MKRN1: variants seen among roughly 807,000 people sequenced by gnomAD.
MKRN1 encodes E3 ubiquitin-protein ligase makorin-1.
A neutral mutation model predicts 55.5 loss-of-function variants in MKRN1; 9 were observed. That is an observed-to-expected ratio of 0.16 (90% CI 0.10 to 0.28). MKRN1 has a LOEUF of 0.28. Among genes scored for constraint, MKRN1 ranks in the 10% least tolerant of loss-of-function variants. The pLI is 1.00. For missense variants in MKRN1, 488 were observed against 626.7 expected (o/e 0.78, Z 2.36); for synonymous variants, 253 against 235.9 (o/e 1.07, Z -0.66).
In MKRN1 at chr7:140,476,046, C is replaced by T. The variant is rs117298880; in HGVS notation, c.185+3114G>A. On this transcript the variant is annotated intron_variant, in intron 1 of 7. Transcript: ENST00000255977. ...ACCAGTAGGAAAATACAGGTGATTC[C>T]GAGCAATTAAAAACATTCTAATCAA... Among the ~76,000 whole-genome samples the T allele has an allele frequency of 4.7e-4, 72 of 152,110 alleles. No individual in the cohort carries two copies. The East Asian group carries it at 0.012, about 25-fold the overall frequency.
chr7:140,463,489 T>C (rs1354579154), intron 2 of MKRN1, among the ~76,000 whole-genome samples: 1 of 152,218 alleles, frequency 6.6e-6, no homozygotes, highest in East Asian at 1.9e-4. Flanking sequence ...TACATGGAGC[T>C]AGAAGCTACC....
In MKRN1 at chr7:140,472,016, GA is replaced by G; in HGVS notation, c.186-6del. On this transcript the variant is annotated splice_region_variant and splice_polypyrimidine_tract_variant and intron_variant, in intron 1 of 7. Transcript: ENST00000255977. The stretch of plus-strand genomic sequence containing the variant: ...CAAACCCCATGCATAAAATACCTGT[GA>G]GACGAAAGACCACAAAACTGGATTA... 1 of 1,613,790 alleles carries G rather than the reference GA, an allele frequency of 6.2e-7. No individual in the cohort carries two copies.
Position 140,459,715 on chromosome 7 carries a change from C to T in MKRN1, c.536G>A (p.Cys179Tyr). ...AIEFVPGQPY[C>Y]GRTAPSCTEA... ...TTCTTCAGAATACTTACTACGGCCA[C>T]AGTAGGGTTGCCCAGGAACAAACTC... The change falls in exon 3 of 8, where the codon TGT becomes TAT. Residue 179 changes from cysteine (C) to tyrosine (Y), a missense_variant. By Grantham distance (194) the Cys-to-Tyr change is radical (BLOSUM62 -2). This residue lies in a region of MKRN1 where 278 missense variants were observed against 406.7 expected (regional missense o/e 0.68). Transcript: ENST00000255977. 1 of 1,613,846 alleles carries T rather than the reference C, an allele frequency of 6.2e-7. No individual in the cohort carries two copies. Among genetic ancestry groups the T allele is most frequent in the Non-Finnish European group, 8.5e-7 (1 of 1,179,758 alleles).
chr7:140,473,753 G>A lies in MKRN1; in HGVS notation c.186-1742C>T, dbSNP rs1344707372. 5 of 152,352 alleles carry A rather than the reference G, an allele frequency of 3.3e-5. No individual in the cohort carries two copies. In the East Asian group the frequency reaches 9.6e-4, roughly 29 times the overall value. 9.4% of individuals were successfully genotyped at this position (152,352 alleles called of 1,614,324 possible). A position where few individuals can be genotyped will look rare whatever the true frequency, so the allele number is the denominator to read the frequency against. On this transcript the variant is annotated intron_variant, in intron 1 of 7. Coordinates refer to ENST00000255977, the MANE Select transcript of MKRN1 (RefSeq NM_013446.4). ...CATGCCTGTAATCCCAGCACTTTGG[G>A]AGGCCAAGGCGGGTGGATTACCTGA...
chr7:140,476,969 G>A (rs1345647843), intron 1 of MKRN1, among the ~76,000 whole-genome samples: 1 of 151,832 alleles, frequency 6.6e-6, no homozygotes, highest in African/African-American at 2.4e-5. Flanking sequence ...TGTAATCCCA[G>A]CTACTAAGGC....
intron 1 of MKRN1, chr7:140,473,703 A>C (rs1278980568): frequency 6.6e-6 from 1 of 152,440 alleles, no homozygotes; most frequent in Non-Finnish European, 1.5e-5. Flanking sequence ...TGTTAGAAAA[A>C]GGTAGAAAGC....
At chr7:140,470,572 C>T (rs547239052) in intron 2 of MKRN1, among the ~76,000 whole-genome samples, 3 of 146,204 alleles carry the variant, frequency 2.1e-5, no homozygotes, top group South Asian at 4.4e-4. Flanking sequence ...GCGACAAGAG[C>T]AAGACTCCAT....
At chr7:140,455,041 G>A (rs1032630738) in intron 7 of MKRN1, 54 bp downstream of exon 7, 137 of 1,603,348 alleles carry the variant, frequency 8.5e-5, no homozygotes, top group Non-Finnish European at 1.0e-4. Context: ...ATATGTGCAG[G>A]ACTCAACTGA....
At chr7:140,456,340 A>G in intron 5 of MKRN1, 1 of 1,234,334 alleles carries the variant, frequency 8.1e-7, no homozygotes, top group Non-Finnish European at 1.0e-6. Flanking sequence ...AACGTCAGGA[A>G]ACATACATTC....
chr7:140,462,423 A>G (rs1944097101), intron 2 of MKRN1, among the ~76,000 whole-genome samples: 1 of 152,224 alleles, frequency 6.6e-6, no homozygotes, highest in Non-Finnish European at 1.5e-5. Flanking sequence ...ATAATGAAAC[A>G]TTACTAACTT....
At chr7:140,460,598 G>A (rs557704067) in intron 2 of MKRN1, among the ~76,000 whole-genome samples, 11 of 152,110 alleles carry the variant, frequency 7.2e-5, no homozygotes, top group African/African-American at 2.6e-4. Context: ...ACCACGTACG[G>A]CCATATATTC....
At position 140,459,815 on chromosome 7, in the gene MKRN1, T is replaced by C; in HGVS notation, c.436A>G (p.Thr146Ala). 1.2e-6 allele frequency: 2 copies of C among 1,614,000 alleles called. No homozygotes were observed. The highest frequency in any genetic ancestry group is 2.2e-5 in the East Asian group (1 of 44,894). The change falls in exon 3 of 8, where the codon ACA becomes GCA. Residue 146 changes from threonine (T) to alanine (A), a missense_variant. Physicochemically the swap from Thr to Ala is moderately conservative, Grantham distance 58 (BLOSUM62 0). Transcript: ENST00000255977. ...SIVGPLVEMN[T>A]GEAESRNSNF... ...GAATTTCTTGACTCAGCTTCGCCTG[T>C]ATTCATTTCAACAAGTGGTCCAACT...
intron 2 of MKRN1, among the ~76,000 whole-genome samples, chr7:140,470,038 C>T (rs1423702078): frequency 8.8e-6 from 1 of 113,296 alleles, no homozygotes; most frequent in African/African-American, 3.3e-5. Context: ...CAGAGCTAGG[C>T]TCTGTCTCAA....
At chr7:140,456,172 T>C in intron 5 of MKRN1, 2 of 1,205,882 alleles carry the variant, frequency 1.7e-6, no homozygotes, top group Non-Finnish European at 2.1e-6. Flanking sequence ...AAGAAGACAT[T>C]TCACACAGAC....
chr7:140,456,720 G>A lies in MKRN1; in HGVS notation c.918C>T (p.Asn306=). The A allele has an allele frequency of 6.2e-7, 1 of 1,614,098 alleles. No homozygotes were observed. The highest frequency in any genetic ancestry group is 8.5e-7 in the Non-Finnish European group (1 of 1,180,006). The change falls in exon 5 of 8, where the codon AAC becomes AAT. Residue 306 remains asparagine, a synonymous_variant. Coordinates refer to ENST00000255977, the MANE Select transcript of MKRN1 (RefSeq NM_013446.4). ...ERRFGILSNC[N]HTYCLKCIRK... ...GAATGCACTTGAGACAGTAGGTGTG[G>A]TTGCAGTTGGAGAGGATCCCGAAGC... is the stretch of plus-strand genomic sequence containing the variant.
At chr7:140,463,181 A>T (rs1794672034) in intron 2 of MKRN1, among the ~76,000 whole-genome samples, 1 of 152,192 alleles carries the variant, frequency 6.6e-6, no homozygotes, top group South Asian at 2.1e-4. Context: ...GCTATCATCC[A>T]CAAAAACCCA....
At position 140,459,869 on chromosome 7, in the gene MKRN1, G is replaced by A. The variant is rs1185393767; in HGVS notation, c.382C>T (p.Leu128Phe). Reference sequence around the variant, plus strand: ...GATGAGAGACTTGAGGAAGCAGCAAGGGATGACTTTGTAGTTAGCTCTGTA... The same window carrying A: ...GATGAGAGACTTGAGGAAGCAGCAAAGGATGACTTTGTAGTTAGCTCTGTA... Reference protein sequence around the residue: ...TATELTTKSSLAASSSLSSIV... With the variant: ...TATELTTKSSFAASSSLSSIV... The change falls in exon 3 of 8, where the codon CTT becomes TTT. Residue 128 changes from leucine to phenylalanine, a missense_variant. Leu to Phe is a conservative substitution (Grantham distance 22, BLOSUM62 0). Around this residue, in one of 2 missense-constraint regions of MKRN1, gnomAD observed 210 missense variants for 220.0 expected, o/e 0.95. Transcript: ENST00000255977. The A allele has an allele frequency of 1.2e-6, 2 of 1,613,872 alleles. No homozygotes were observed. The highest frequency in any genetic ancestry group is 8.5e-7 in the Non-Finnish European group (1 of 1,179,882).
rs1795226647 is a variant in MKRN1 at position 140,479,410 on chromosome 7, G to T, written c.-66C>A. The T allele has an allele frequency of 3.2e-6, 4 of 1,255,806 alleles. No homozygotes were observed. Among genetic ancestry groups the T allele is most frequent in the Non-Finnish European group, 4.0e-6 (4 of 995,016 alleles). 77.8% of individuals were successfully genotyped at this position (1,255,806 alleles called of 1,614,324 possible). A position where few individuals can be genotyped will look rare whatever the true frequency, so the allele number is the denominator to read the frequency against. On this transcript the variant is annotated 5_prime_UTR_variant, in exon 1 of 8. Coordinates refer to ENST00000255977, the MANE Select transcript of MKRN1 (RefSeq NM_013446.4). Reference sequence around the variant, plus strand: ...GATCACATAGTTCCGGTCCGGCTGCGGGGAGAGGACGGCGAGGCCAGGCGA... The same window carrying T: ...GATCACATAGTTCCGGTCCGGCTGCTGGGAGAGGACGGCGAGGCCAGGCGA...
chr7:140,473,106 A>T, intron 1 of MKRN1: 1 of 343,254 alleles, frequency 2.9e-6, no homozygotes, highest in South Asian at 2.3e-5. Context: ...CAAAAAGAAA[A>T]AGAAAAAGAA....
Sources: gnomAD v4.1 joint callset for allele counts (sites outside exome capture counted in the v4.1 genomes callset) on GRCh38, gnomAD v4.1.1 for gene constraint, gnomAD v4.1.1 regional missense constraint, MANE v1.5 for transcripts, NCBI Gene and HGNC (gene_info 2026-07-23, HGNC 2026-07-21) for gene names.